NPR3: variants seen among roughly 807,000 people sequenced by gnomAD.
NPR3 encodes the protein atrial natriuretic peptide receptor 3.
In NPR3, 34 loss-of-function variants were observed where a neutral mutation model predicts 54.5. The ratio of observed to expected loss-of-function variants is 0.62; its 90% CI spans 0.47 to 0.83. The LOEUF is 0.83. Among genes scored for constraint, NPR3 ranks in the 40% least tolerant of loss-of-function variants. The probability of loss-of-function intolerance (pLI) is 0.00; values close to 1 mark genes in which losing one functional copy is unlikely to be tolerated. For missense variants in NPR3, 674 were observed against 720.8 expected (o/e 0.94, Z 0.74); for synonymous variants, 289 against 297.1 (o/e 0.97, Z 0.28).
At chr5:32,716,289 C>T (rs1738542535) in intron 1 of NPR3, 2 of 394,056 alleles carry the variant, frequency 5.1e-6, no homozygotes, top group Admixed American at 6.1e-5. Flanking sequence ...TTCCTGTCTC[C>T]TACTCTCCAT....
chr5:32,757,612 C>T (rs1007206491), intron 3 of NPR3, among the ~76,000 whole-genome samples: 1 of 152,136 alleles, frequency 6.6e-6, no homozygotes, highest in African/African-American at 2.4e-5. Flanking sequence ...TGCCTGATTG[C>T]CCTGGCCAGG....
chr5:32,777,478 TG>T (rs2112057351), intron 4 of NPR3, among the ~76,000 whole-genome samples: 1 of 152,350 alleles, frequency 6.6e-6, no homozygotes, highest in East Asian at 1.9e-4. Context: ...TTTAATGCAC[TG>T]GGGTATGCCT....
intron 1 of NPR3, among the ~76,000 whole-genome samples, chr5:32,701,014 C>G (rs578235374): frequency 6.6e-6 from 1 of 152,316 alleles, no homozygotes; most frequent in South Asian, 2.1e-4. Flanking sequence ...CTTCCACCAA[C>G]AGTGTAAAAA....
chr5:32,721,748 G>A (rs1007006958), intron 1 of NPR3, among the ~76,000 whole-genome samples: 3 of 152,194 alleles, frequency 2.0e-5, no homozygotes, highest in African/African-American at 7.2e-5. Flanking sequence ...TTTGTTTTCT[G>A]TTGCTATGAC....
intron 3 of NPR3, among the ~76,000 whole-genome samples, chr5:32,756,808 A>C (rs1367334217): frequency 6.6e-6 from 1 of 152,218 alleles, no homozygotes; most frequent in Non-Finnish European, 1.5e-5. Flanking sequence ...ATCCAGTTTC[A>C]GCTTTCTACA....
At position 32,738,862 on chromosome 5, in the gene NPR3, A is replaced by G; in HGVS notation, c.893-2A>G. The G allele has an allele frequency of 6.2e-7, 1 of 1,610,802 alleles. No individual in the cohort carries two copies. Among genetic ancestry groups the G allele is most frequent in the East Asian group, 2.2e-5 (1 of 44,852 alleles). ...TTATAAATATTTTTATTTCTTCCAT[A>G]GGAGATGGCTCATGGAAGAGAGGAG... is the stretch of plus-strand genomic sequence containing the variant. On this transcript the variant is annotated splice_acceptor_variant, in intron 2 of 7. Transcript: ENST00000265074. LOFTEE classifies it high-confidence loss of function.
intron 6 of NPR3, among the ~76,000 whole-genome samples, chr5:32,784,316 G>A (rs1742494289): frequency 6.6e-6 from 1 of 152,152 alleles, no homozygotes; most frequent in South Asian, 2.1e-4. Flanking sequence ...AGCCTCCTGA[G>A]TAGCTGGGAT....
At chr5:32,774,205 T>G (rs1402741242) in intron 3 of NPR3, among the ~76,000 whole-genome samples, 1 of 152,216 alleles carries the variant, frequency 6.6e-6, no homozygotes, top group Non-Finnish European at 1.5e-5. Context: ...ACATCTACTC[T>G]TCTTTGTACC....
chr5:32,719,100 A>G (rs1040664016), intron 1 of NPR3, among the ~76,000 whole-genome samples: 4 of 152,206 alleles, frequency 2.6e-5, no homozygotes, highest in African/African-American at 9.7e-5. Flanking sequence ...TTCTGCATCT[A>G]TTGAGATAAT....
chr5:32,712,756 G>A (rs546044959), intron 1 of NPR3, among the ~76,000 whole-genome samples: 111 of 152,232 alleles, frequency 7.3e-4, no homozygotes, highest in Non-Finnish European at 1.4e-3. Context: ...GGGAGGTGAA[G>A]GGGTTGGAGG....
At chr5:32,747,713 T>C (rs969625358) in intron 3 of NPR3, among the ~76,000 whole-genome samples, 3 of 152,070 alleles carry the variant, frequency 2.0e-5, no homozygotes, top group Non-Finnish European at 4.4e-5. Context: ...GATCTCCTTT[T>C]TTCTTAAATT....
intron 3 of NPR3, among the ~76,000 whole-genome samples, chr5:32,740,154 T>C (rs1255310145): frequency 6.6e-6 from 1 of 152,248 alleles, no homozygotes; most frequent in Non-Finnish European, 1.5e-5. Flanking sequence ...GGATTTCTCC[T>C]AGTTTCTCTA....
At chr5:32,754,204 G>A (rs1740716333) in intron 3 of NPR3, among the ~76,000 whole-genome samples, 1 of 152,122 alleles carries the variant, frequency 6.6e-6, no homozygotes, top group South Asian at 2.1e-4. Context: ...CCAAGGTAGT[G>A]GTTCAATAAA....
At chr5:32,724,855 G>C (rs1164162587) in intron 2 of NPR3, 35 bp downstream of exon 2, 2 of 1,611,546 alleles carry the variant, frequency 1.2e-6, no homozygotes, top group African/African-American at 2.7e-5. Context: ...CCTCTGCTAG[G>C]GTTCCAAGAG....
intron 3 of NPR3, among the ~76,000 whole-genome samples, chr5:32,755,781 T>C (rs180716374): frequency 4.9e-4 from 74 of 152,318 alleles, no homozygotes; most frequent in African/African-American, 1.8e-3. Flanking sequence ...CATTGCCGCA[T>C]CCTTCTTTGT....
chr5:32,749,947 C>T (rs1243590567), intron 3 of NPR3, among the ~76,000 whole-genome samples: 1 of 152,202 alleles, frequency 6.6e-6, no homozygotes, highest in Admixed American at 6.5e-5. Context: ...GCTCCTTATA[C>T]AGACTTTCAA....
chr5:32,753,624 CTTTTTTTTTTTTTTT>C (rs70961660), intron 3 of NPR3, among the ~76,000 whole-genome samples: 1 of 102,810 alleles, frequency 9.7e-6, no homozygotes, highest in Non-Finnish European at 1.9e-5. Context: ...TCTCAGCATC[CTTTTTTTTTTTTTTT>C]TTTTTTTTTT....
chr5:32,779,114 C>A (rs1742211231), intron 4 of NPR3, among the ~76,000 whole-genome samples: 1 of 152,092 alleles, frequency 6.6e-6, no homozygotes, highest in Admixed American at 6.5e-5. Context: ...AACCACAACC[C>A]AAAGGACAGT....
At chr5:32,723,146 A>G (rs1195491896) in intron 1 of NPR3, among the ~76,000 whole-genome samples, 2 of 152,202 alleles carry the variant, frequency 1.3e-5, no homozygotes, top group South Asian at 4.2e-4. Context: ...AAGAACATAC[A>G]CATCTTGGAG....
Sources: allele counts gnomAD v4.1 joint callset (sites outside exome capture counted in the v4.1 genomes callset), GRCh38; gene constraint gnomAD v4.1.1; transcripts MANE v1.5; gene names NCBI Gene and HGNC (gene_info 2026-07-23, HGNC 2026-07-21).